The following ZFYVE26 variants were observed in gnomAD, a reference collection of about 807,000 sequenced individuals.
ZFYVE26 encodes the protein zinc finger FYVE domain-containing protein 26.
In ZFYVE26, 181 loss-of-function variants were observed where a neutral mutation model predicts 276.5. The ratio of observed to expected loss-of-function variants is 0.65; its 90% CI spans 0.58 to 0.74. ZFYVE26 has a LOEUF of 0.74. Among genes scored for constraint, ZFYVE26 ranks in the 30% least tolerant of loss-of-function variants. The pLI, the probability that ZFYVE26 is intolerant of heterozygous loss-of-function variation, is 0.00. For synonymous variants in ZFYVE26, 1,129 were observed against 1,203.1 expected, an observed-to-expected ratio of 0.94 and a Z score of 1.27; for missense variants, 2,821 against 3,097.9, an observed-to-expected ratio of 0.91 and a Z score of 2.12.
rs757852901 is a variant in ZFYVE26 at position 67,790,740 on chromosome 14, T to C, written c.2587A>G (p.Ser863Gly). 1 of 1,614,184 alleles carries C rather than the reference T, an allele frequency of 6.2e-7. No homozygotes were observed. The highest frequency in any genetic ancestry group is 8.5e-7 in the Non-Finnish European group (1 of 1,180,030). ...TCCATGAACATCAGTTCCCCTGAAC[T>C]GGGTGAGGACTTCAGGTTGAACGTG... Reference protein sequence around the residue: ...LFTFNLKSSPSSGELMFMERY... With the variant: ...LFTFNLKSSPGSGELMFMERY... The change falls in exon 15 of 42, where the codon AGT (serine) becomes GGT (glycine). Residue 863 changes from serine to glycine, a missense_variant. By Grantham distance (56) the Ser-to-Gly change is moderately conservative. Coordinates refer to ENST00000347230, the MANE Select transcript of ZFYVE26 (RefSeq NM_015346.4).
chr14:67,814,488 C>T (rs2040362009), intron 2 of ZFYVE26, among the ~76,000 whole-genome samples: 1 of 152,046 alleles, frequency 6.6e-6, no homozygotes, highest in Non-Finnish European at 1.5e-5. Context: ...CACTGCACTC[C>T]AGCCTGGGTG....
chr14:67,805,387 T>A (rs922908710), intron 7 of ZFYVE26, 67 bp downstream of exon 7: 15 of 1,613,378 alleles, frequency 9.3e-6, no homozygotes, highest in Non-Finnish European at 1.3e-5. Flanking sequence ...GGCTCTGCAT[T>A]CAGCCTAAGC....
intron 40 of ZFYVE26, among the ~76,000 whole-genome samples, chr14:67,751,737 G>A (rs1262261080): frequency 6.6e-6 from 1 of 152,118 alleles, no homozygotes; most frequent in African/African-American, 2.4e-5. Context: ...GCCGGGCGTG[G>A]TGGTGGGCGC....
At chr14:67,797,907 G>A in intron 11 of ZFYVE26, 107 bp downstream of exon 11, 1 of 1,595,138 alleles carries the variant, frequency 6.3e-7, no homozygotes, top group Non-Finnish European at 8.6e-7. Flanking sequence ...GTGACGATAT[G>A]CCCTGAGTTA....
downstream of ZFYVE26, among the ~76,000 whole-genome samples, chr14:67,744,143 C>T (rs927354959): frequency 6.6e-5 from 10 of 152,128 alleles, no homozygotes; most frequent in African/African-American, 1.4e-4. Flanking sequence ...CTGTGGCTAT[C>T]GATATTTGGT....
At chr14:67,744,545 G>T (rs2038458152), downstream of ZFYVE26, among the ~76,000 whole-genome samples, 1 of 152,058 alleles carries the variant, frequency 6.6e-6, no homozygotes, top group Non-Finnish European at 1.5e-5. Flanking sequence ...TTAGGTATTT[G>T]TCCTAATGCT....
chr14:67,752,579 G>C (rs1224635261), intron 39 of ZFYVE26, 53 bp from the exon 40 acceptor site: 1 of 1,590,492 alleles, frequency 6.3e-7, no homozygotes, highest in African/African-American at 1.3e-5. Flanking sequence ...TTAACGGTGG[G>C]GAGGGAGGCA....
chr14:67,810,384 A>G (rs1437283329), intron 3 of ZFYVE26, among the ~76,000 whole-genome samples: 1 of 152,170 alleles, frequency 6.6e-6, no homozygotes, highest in African/African-American at 2.4e-5. Flanking sequence ...GAGAAATCCA[A>G]TGTTTATTAA....
Position 67,790,424 on chromosome 14 carries a change from C to T in ZFYVE26, c.2755+148G>A, listed in dbSNP as rs537626244. The T allele has an allele frequency of 4.5e-5, 37 of 813,442 alleles. 1 individual carries two copies. Among genetic ancestry groups the T allele is most frequent in the South Asian group, 4.0e-4 (27 of 67,116 alleles). 50.4% of individuals were successfully genotyped at this position (813,442 alleles called of 1,614,324 possible). ...GGATGGGCACAGCTGGAAAACTGGACGTATCAGGTTTGCTGTTTTTCAAGG... is the reference window on the plus strand; with the variant it reads ...GGATGGGCACAGCTGGAAAACTGGATGTATCAGGTTTGCTGTTTTTCAAGG... On this transcript the variant is annotated intron_variant, in intron 15 of 41. Transcript: ENST00000347230.
intron 13 of ZFYVE26, among the ~76,000 whole-genome samples, chr14:67,737,088 C>CTTTTTTTTTTTTT (rs71129855): frequency 5.7e-5 from 6 of 104,800 alleles, no homozygotes; most frequent in East Asian, 2.7e-4. Flanking sequence ...TTTTTCTTTT[C>CTTTTTTTTTTTTT]TTTTTTTTTT....
intron 6 of ZFYVE26, 26 bp downstream of exon 6, chr14:67,806,519 G>C (rs1369089026): frequency 6.2e-7 from 1 of 1,613,734 alleles, no homozygotes; most frequent in Non-Finnish European, 8.5e-7. Context: ...GGGTACCTCT[G>C]TGATGAACAA....
chr14:67,787,041 G>A (rs2039677145), intron 16 of ZFYVE26, among the ~76,000 whole-genome samples: 1 of 152,182 alleles, frequency 6.6e-6, no homozygotes, highest in Non-Finnish European at 1.5e-5. Flanking sequence ...CCAGAGGCTG[G>A]GAAGGTAGTA....
At chr14:67,784,817 CAG>C (rs2039605842) in intron 19 of ZFYVE26, among the ~76,000 whole-genome samples, 1 of 152,156 alleles carries the variant, frequency 6.6e-6, no homozygotes, top group South Asian at 2.1e-4. Context: ...ACAGGTCTGA[CAG>C]AGATATTTTT....
At chr14:67,776,462 A>G (rs1037539733) in intron 25 of ZFYVE26, among the ~76,000 whole-genome samples, 1 of 152,370 alleles carries the variant, frequency 6.6e-6, no homozygotes, top group Admixed American at 6.5e-5. Flanking sequence ...GTGTGTTCCA[A>G]TAACACTTGC....
At chr14:67,772,237 T>A (rs2039231228) in intron 27 of ZFYVE26, 27 bp from the exon 28 acceptor site, 1 of 1,607,550 alleles carries the variant, frequency 6.2e-7, no homozygotes, top group Non-Finnish European at 8.5e-7. Context: ...GAGGTCAGAG[T>A]AAAAGGTAAT....
chr14:67,813,155 C>T (rs181917762), intron 3 of ZFYVE26, among the ~76,000 whole-genome samples: 23 of 152,092 alleles, frequency 1.5e-4, no homozygotes, highest in African/African-American at 3.9e-4. Flanking sequence ...AAAAAACTGG[C>T]GAAATTACAG....
intron 22 of ZFYVE26, 71 bp downstream of exon 22, chr14:67,781,262 A>C: frequency 1.3e-6 from 2 of 1,532,982 alleles, no homozygotes; most frequent in Non-Finnish European, 1.8e-6. Flanking sequence ...GTCCCCCATC[A>C]TATAAGATAG....
chr14:67,805,694 G>C, intron 6 of ZFYVE26, 76 bp from the exon 7 acceptor site: 3 of 1,524,708 alleles, frequency 2.0e-6, no homozygotes, highest in African/African-American at 1.4e-5. Flanking sequence ...GCTCTTTAGA[G>C]AAAGAAGTAT....
chr14:67,751,807 AG>A (rs1191895388), intron 40 of ZFYVE26, among the ~76,000 whole-genome samples: 2 of 152,036 alleles, frequency 1.3e-5, no homozygotes, highest in African/African-American at 4.8e-5. Flanking sequence ...CAGGAGGCAG[AG>A]CTTGCAGTGA....
Sources: gnomAD v4.1 joint callset for allele counts (sites outside exome capture counted in the v4.1 genomes callset) on GRCh38, gnomAD v4.1.1 for gene constraint, MANE v1.5 for transcripts, NCBI Gene and HGNC (gene_info 2026-07-23, HGNC 2026-07-21) for gene names.